RPS6KC1: variants seen among roughly 807,000 people sequenced by gnomAD.
RPS6KC1 encodes the protein ribosomal protein S6 kinase C1, also known as inactive ribosomal protein S6 kinase delta-1.
RPS6KC1 carries 54 observed loss-of-function variants against 103.8 expected under a neutral mutation model. The ratio of observed to expected loss-of-function variants is 0.52; its 90% CI spans 0.42 to 0.65. The LOEUF (loss-of-function observed/expected upper bound fraction) is 0.65, where lower values mean the gene tolerates loss of function less well. Ranked by LOEUF, RPS6KC1 falls within the 30% of genes least tolerant of loss-of-function variation. The pLI, the probability that RPS6KC1 is intolerant of heterozygous loss-of-function variation, is 0.00. For missense variants in RPS6KC1, 1,151 were observed against 1,253.8 expected (o/e 0.92, Z 1.24); for synonymous variants, 439 against 438.7 (o/e 1.00, Z -0.01).
the RPS6KC1 span, among the ~76,000 whole-genome samples, chr1:213,423,973 TGAGTTTTG>T: frequency 6.6e-6 from 1 of 152,242 alleles, no homozygotes; most frequent in East Asian, 1.9e-4. Flanking sequence ...TTAATTAGTG[TGAGTTTTG>T]GAGTATGTAC....
intron 12 of RPS6KC1, among the ~76,000 whole-genome samples, chr1:213,246,129 C>T (rs922108637): frequency 3.9e-5 from 6 of 152,174 alleles, no homozygotes; most frequent in Middle Eastern, 3.4e-3. Flanking sequence ...CTTGAGAATA[C>T]GAATTCACTG....
At chr1:213,615,989 A>C in the RPS6KC1 span, among the ~76,000 whole-genome samples, 1 of 152,228 alleles carries the variant, frequency 6.6e-6, no homozygotes, top group Non-Finnish European at 1.5e-5. Context: ...TTCTTCACCC[A>C]AAGTGGGCAA....
the RPS6KC1 span, among the ~76,000 whole-genome samples, chr1:213,799,702 G>A: frequency 6.6e-6 from 1 of 152,272 alleles, no homozygotes; most frequent in African/African-American, 2.4e-5. Flanking sequence ...TGAGATACAA[G>A]AACAGGATAA....
intron 4 of RPS6KC1, among the ~76,000 whole-genome samples, chr1:213,109,306 T>G (rs2148820914): frequency 6.6e-6 from 1 of 152,110 alleles, no homozygotes; most frequent in South Asian, 2.1e-4. Flanking sequence ...CTGGCTAATT[T>G]TTTTGTATTT....
At chr1:213,161,870 A>G (rs1247737563) in intron 6 of RPS6KC1, among the ~76,000 whole-genome samples, 10 of 152,210 alleles carry the variant, frequency 6.6e-5, no homozygotes. Context: ...ATATCATGGC[A>G]TCAAGAAAAC....
At chr1:213,453,398 T>C in the RPS6KC1 span, among the ~76,000 whole-genome samples, 2 of 151,900 alleles carry the variant, frequency 1.3e-5, no homozygotes, top group Non-Finnish European at 2.9e-5. Context: ...AGGATCACCT[T>C]GTGGGGCCAC....
At chr1:213,621,114 C>A in the RPS6KC1 span, among the ~76,000 whole-genome samples, 62 of 152,146 alleles carry the variant, frequency 4.1e-4, no homozygotes, top group African/African-American at 1.4e-3. Context: ...CTAGAAGACA[C>A]AACCCTGCCT....
chr1:213,503,817 G>T, the RPS6KC1 span, among the ~76,000 whole-genome samples: 1 of 152,160 alleles, frequency 6.6e-6, no homozygotes, highest in Non-Finnish European at 1.5e-5. Flanking sequence ...AGTGTGAGCT[G>T]CTAAGACTTT....
In RPS6KC1 at chr1:213,241,814, G is replaced by A. The variant is rs774793269; in HGVS notation, c.2338G>A (p.Ala780Thr). ...QEDPRMLFVA[A>T]VDHSSSGDMS... ...GGATCCCAGGATGTTATTTGTAGCA[G>A]CTGTTGATCATAGTAGTTCAGGAGA... Residue 780 changes from alanine (A) to threonine (T), a missense_variant, in exon 11 of 15, where the codon GCT becomes ACT. By Grantham distance (58) the Ala-to-Thr change is moderately conservative (BLOSUM62 0). Coordinates refer to ENST00000366960, the MANE Select transcript of RPS6KC1 (RefSeq NM_012424.6). 6.2e-7 allele frequency: 1 copy of A among 1,613,926 alleles called. No individual in the cohort carries two copies. Among genetic ancestry groups the A allele is most frequent in the East Asian group, 2.2e-5 (1 of 44,862 alleles).
the RPS6KC1 span, among the ~76,000 whole-genome samples, chr1:213,784,319 C>A: frequency 1.3e-5 from 2 of 152,212 alleles, no homozygotes; most frequent in Admixed American, 1.3e-4. Flanking sequence ...CTGATTAATC[C>A]TGTGATCTGC....
chr1:213,080,660 G>A (rs532120019), intron 3 of RPS6KC1, among the ~76,000 whole-genome samples: 1 of 152,220 alleles, frequency 6.6e-6, no homozygotes. Context: ...CATCTCCTGG[G>A]CTCAAGCGAT....
the RPS6KC1 span, among the ~76,000 whole-genome samples, chr1:213,410,153 C>CAAACA: frequency 6.6e-6 from 1 of 152,086 alleles, no homozygotes; most frequent in East Asian, 1.9e-4. Flanking sequence ...GACTGTGACT[C>CAAACA]AAACAAAACA....
the RPS6KC1 span, among the ~76,000 whole-genome samples, chr1:213,678,503 C>A: frequency 6.6e-6 from 1 of 152,224 alleles, no homozygotes; most frequent in Non-Finnish European, 1.5e-5. Context: ...ATTAGCCCAT[C>A]TGTAAGGTCA....
the RPS6KC1 span, among the ~76,000 whole-genome samples, chr1:213,779,049 C>T: frequency 6.6e-6 from 1 of 152,072 alleles, no homozygotes. Context: ...TTTCAGAGGC[C>T]TCACTCTAAG....
chr1:213,602,148 T>C, the RPS6KC1 span, among the ~76,000 whole-genome samples: 2 of 93,774 alleles, frequency 2.1e-5, no homozygotes, highest in Non-Finnish European at 4.1e-5. Flanking sequence ...CTTTCTTTCT[T>C]TCTTTCTTTC....
the RPS6KC1 span, among the ~76,000 whole-genome samples, chr1:213,469,111 G>C: frequency 6.6e-6 from 1 of 152,046 alleles, no homozygotes; most frequent in African/African-American, 2.4e-5. Context: ...TCCTTTACTG[G>C]AGTGCAAGGT....
chr1:213,535,032 C>T, the RPS6KC1 span, among the ~76,000 whole-genome samples: 1 of 152,232 alleles, frequency 6.6e-6, no homozygotes, highest in African/African-American at 2.4e-5. Flanking sequence ...ACACTGCAAA[C>T]TACCTAGTGG....
the RPS6KC1 span, among the ~76,000 whole-genome samples, chr1:213,598,934 CAAAACCA>C: frequency 5.9e-5 from 9 of 151,936 alleles, no homozygotes; most frequent in African/African-American, 2.2e-4. Context: ...CAAAACAAAA[CAAAACCA>C]AAAAAACTGC....
At chr1:213,375,788 C>T in the RPS6KC1 span, among the ~76,000 whole-genome samples, 2 of 152,168 alleles carry the variant, frequency 1.3e-5, no homozygotes, top group Non-Finnish European at 2.9e-5. Context: ...TCAGGACACT[C>T]CTTCTCTAAC....
Sources: allele counts gnomAD v4.1 joint callset (sites outside exome capture counted in the v4.1 genomes callset), GRCh38; gene constraint gnomAD v4.1.1; transcripts MANE v1.5; gene names NCBI Gene and HGNC (gene_info 2026-07-23, HGNC 2026-07-21).